Variants in DLG2 observed in about 807,000 individuals in gnomAD.
DLG2 encodes the protein discs large MAGUK scaffold protein 2.
Under a neutral mutation model 132.5 loss-of-function variants are expected in DLG2, and 45 were observed. The ratio of observed to expected loss-of-function variants is 0.34; its 90% CI spans 0.27 to 0.44. The LOEUF is 0.44. Ranked by LOEUF, DLG2 falls within the 20% of genes least tolerant of loss-of-function variation. The pLI is 1.00. For synonymous variants in DLG2, 424 were observed against 419.6 expected (o/e 1.01, Z -0.13); for missense variants, 1,045 against 1,196.9 (o/e 0.87, Z 1.87).
chr11:84,523,516 C>T (rs867961989), intron 7 of DLG2, among the ~76,000 whole-genome samples: 8 of 152,204 alleles, frequency 5.3e-5, no homozygotes, highest in East Asian at 1.9e-4. Context: ...GAAAAATTTC[C>T]GATTATCTTT....
chr11:84,476,666 C>T (rs2099122442), intron 7 of DLG2, among the ~76,000 whole-genome samples: 1 of 152,162 alleles, frequency 6.6e-6, no homozygotes, highest in Non-Finnish European at 1.5e-5. Context: ...TTGGCTGTCT[C>T]CCAGGAGGCT....
At chr11:84,777,173 G>GT (rs1033433592) in intron 6 of DLG2, among the ~76,000 whole-genome samples, 1 of 150,886 alleles carries the variant, frequency 6.6e-6, no homozygotes, top group Non-Finnish European at 1.5e-5. Flanking sequence ...GACTTTCTGT[G>GT]TTTCACTTAA....
intron 3 of DLG2, among the ~76,000 whole-genome samples, chr11:85,352,489 A>G (rs1332905982): frequency 6.6e-6 from 1 of 150,580 alleles, no homozygotes; most frequent in Non-Finnish European, 1.5e-5. Flanking sequence ...AGTTCTTTTA[A>G]CTGTGATGTT....
intron 4 of DLG2, among the ~76,000 whole-genome samples, chr11:85,160,744 C>T (rs1015628360): frequency 1.3e-5 from 2 of 152,164 alleles, no homozygotes; most frequent in African/African-American, 4.8e-5. Flanking sequence ...CCCCAGCCTG[C>T]ACCAATGGCC....
intron 2 of DLG2, among the ~76,000 whole-genome samples, chr11:85,605,292 C>G (rs2080449607): frequency 1.3e-5 from 2 of 152,268 alleles, no homozygotes; most frequent in East Asian, 1.9e-4. Context: ...AGTGTTCTCT[C>G]CACAATACCA....
intron 9 of DLG2, among the ~76,000 whole-genome samples, chr11:84,107,508 A>G (rs139240254): frequency 5.3e-4 from 80 of 152,002 alleles, no homozygotes; most frequent in African/African-American, 1.7e-3. Flanking sequence ...CCTTATAAAT[A>G]TATCTTGCAA....
At chr11:84,045,199 C>T (rs991983121) in intron 11 of DLG2, among the ~76,000 whole-genome samples, 2 of 151,710 alleles carry the variant, frequency 1.3e-5, no homozygotes, top group Non-Finnish European at 2.9e-5. Flanking sequence ...CTTCCTTATA[C>T]CTGTGGTATT....
intron 6 of DLG2, among the ~76,000 whole-genome samples, chr11:84,711,022 A>ATC (rs2060340935): frequency 1.1e-5 from 1 of 93,736 alleles, no homozygotes; most frequent in South Asian, 2.8e-4. Flanking sequence ...ATATATATAT[A>ATC]TATATATATA....
At chr11:83,762,917 T>C (rs771200309) in intron 18 of DLG2, among the ~76,000 whole-genome samples, 2 of 152,228 alleles carry the variant, frequency 1.3e-5, no homozygotes, top group Non-Finnish European at 2.9e-5. Flanking sequence ...TCTTAGAAGC[T>C]TTGAACATCT....
intron 3 of DLG2, among the ~76,000 whole-genome samples, chr11:85,435,357 G>C (rs115022763): frequency 6.1e-4 from 93 of 152,300 alleles, no homozygotes; most frequent in African/African-American, 2.1e-3. Context: ...AATGGGAAGA[G>C]AGGGAAGTCA....
intron 7 of DLG2, among the ~76,000 whole-genome samples, chr11:84,357,799 C>CA (rs1384229908): frequency 6.6e-6 from 1 of 151,620 alleles, no homozygotes; most frequent in African/African-American, 2.4e-5. Context: ...TTTTCCAAGG[C>CA]AAATAAAAAC....
intron 6 of DLG2, among the ~76,000 whole-genome samples, chr11:85,111,258 T>C (rs1412460235): frequency 1.3e-5 from 2 of 152,136 alleles, no homozygotes; most frequent in African/African-American, 4.8e-5. Flanking sequence ...ACTTGAAAAT[T>C]GCAAGTTGGT....
intron 7 of DLG2, among the ~76,000 whole-genome samples, chr11:84,399,649 T>C (rs1442959802): frequency 6.6e-6 from 1 of 152,124 alleles, no homozygotes; most frequent in Non-Finnish European, 1.5e-5. Flanking sequence ...ACCCCTTACC[T>C]CGGGTTATCC....
At chr11:84,073,275 T>G (rs1273404150) in intron 10 of DLG2, among the ~76,000 whole-genome samples, 1 of 151,770 alleles carries the variant, frequency 6.6e-6, no homozygotes, top group African/African-American at 2.4e-5. Context: ...CCTCCTGGTA[T>G]AAAAAGAATG....
At position 84,223,382 on chromosome 11, in the gene DLG2, C is replaced by A. The variant is rs551388553; in HGVS notation, c.573+27856G>T. Among the ~76,000 whole-genome samples the A allele has an allele frequency of 8.5e-5, 13 of 152,164 alleles. No individual in the cohort carries two copies. In the South Asian group the frequency reaches 2.7e-3, roughly 32 times the overall value. On this transcript the variant is annotated intron_variant, in intron 8 of 27. Coordinates refer to ENST00000376104, the MANE Select transcript of DLG2 (RefSeq NM_001142699.3). ...AAAATTAACTGCTGGTAAGATATTT[C>A]TCTGTGTTTTCTAGCCACTAAGATC...
chr11:84,874,225 CCTGA>C (rs1228733672), intron 6 of DLG2, among the ~76,000 whole-genome samples: 1 of 152,116 alleles, frequency 6.6e-6, no homozygotes, highest in African/African-American at 2.4e-5. Context: ...TTATGAGAAT[CCTGA>C]CTATCTTATA....
At chr11:84,160,673 A>C (rs770809410) in intron 9 of DLG2, among the ~76,000 whole-genome samples, 5 of 152,176 alleles carry the variant, frequency 3.3e-5, no homozygotes, top group Non-Finnish European at 7.4e-5. Context: ...ATTCAGTAAA[A>C]AGCAAGATAG....
At position 84,021,959 on chromosome 11, in the gene DLG2, C is replaced by G. The variant is rs113603875; in HGVS notation, c.919+37356G>C. ...ACGGGGTTTCTCCATGTTGGTCAGG[C>G]TGGTCTTAAACTCCCAACCTCAGAT... is the stretch of plus-strand genomic sequence containing the variant. On this transcript the variant is annotated intron_variant, in intron 11 of 27. Transcript: ENST00000376104. 7.9e-5 allele frequency among the ~76,000 whole-genome samples: 12 copies of G among 152,140 alleles called. 1 individual carries two copies. Among genetic ancestry groups the G allele is most frequent in the African/African-American group, 2.9e-4 (12 of 41,540 alleles).
At chr11:83,760,390 C>T (rs1483447739) in intron 18 of DLG2, among the ~76,000 whole-genome samples, 3 of 152,170 alleles carry the variant, frequency 2.0e-5, no homozygotes, top group Non-Finnish European at 4.4e-5. Context: ...AAGTCCTAAA[C>T]ACATATTCTT....
Sources: gnomAD v4.1 joint callset for allele counts (sites outside exome capture counted in the v4.1 genomes callset) on GRCh38, gnomAD v4.1.1 for gene constraint, MANE v1.5 for transcripts, NCBI Gene and HGNC (gene_info 2026-07-23, HGNC 2026-07-21) for gene names.